Variants in ANKS1B observed in about 807,000 individuals in gnomAD.
ANKS1B encodes ankyrin repeat and sterile alpha motif domain-containing protein 1B.
ANKS1B carries 36 observed loss-of-function variants against 148.3 expected under a neutral mutation model. That is an observed-to-expected ratio of 0.24 (90% CI 0.19 to 0.32). The LOEUF is 0.32. Ranked by LOEUF, ANKS1B falls within the 10% of genes least tolerant of loss-of-function variation. The pLI is 1.00. For synonymous variants in ANKS1B, 542 were observed against 560.8 expected, an observed-to-expected ratio of 0.97 and a Z score of 0.47; for missense variants, 1,157 against 1,542.6, an observed-to-expected ratio of 0.75 and a Z score of 4.19.
Position 99,181,202 on chromosome 12 carries a change from TG to T in ANKS1B, c.2420-26808del, listed in dbSNP as rs754247940. ...GTCAATCCATGTTCTGTTATAGGGATGTTAACCATGATCCTTGCGATAAGTT... is the reference window on the plus strand; with the variant it reads ...GTCAATCCATGTTCTGTTATAGGGATTTAACCATGATCCTTGCGATAAGTT... On this transcript the variant is annotated intron_variant, in intron 14 of 26. Coordinates refer to ENST00000683438, the MANE Select transcript of ANKS1B (RefSeq NM_001352186.2). 3.3e-5 allele frequency among the ~76,000 whole-genome samples: 5 copies of T among 152,212 alleles called. No individual in the cohort carries two copies. In the East Asian group the frequency reaches 7.7e-4, roughly 23 times the overall value.
At chr12:99,010,715 C>A (rs1485436199) in intron 17 of ANKS1B, among the ~76,000 whole-genome samples, 3 of 150,978 alleles carry the variant, frequency 2.0e-5, no homozygotes, top group Non-Finnish European at 2.9e-5. Flanking sequence ...ATGGTACAGG[C>A]AGATTAAGAA....
At chr12:98,942,058 T>C (rs113136248) in intron 17 of ANKS1B, among the ~76,000 whole-genome samples, 5,908 of 152,112 alleles carry the variant, frequency 0.039, 134 homozygotes, top group African/African-American at 0.06. Flanking sequence ...CTGGCCAACA[T>C]GGTGAAACCT....
At chr12:99,194,306 T>G (rs2081127317) in intron 14 of ANKS1B, among the ~76,000 whole-genome samples, 1 of 152,168 alleles carries the variant, frequency 6.6e-6, no homozygotes, top group Non-Finnish European at 1.5e-5. Context: ...AATAAAAGTA[T>G]GTTATACTCA....
chr12:99,264,006 T>C (rs1166828409), intron 12 of ANKS1B, among the ~76,000 whole-genome samples: 1 of 152,170 alleles, frequency 6.6e-6, no homozygotes, highest in East Asian at 1.9e-4. Context: ...TCAAATCCAT[T>C]GCCCTAAAAA....
At chr12:99,833,327 C>T (rs1383634952) in intron 1 of ANKS1B, among the ~76,000 whole-genome samples, 2 of 152,124 alleles carry the variant, frequency 1.3e-5, no homozygotes, top group Non-Finnish European at 2.9e-5. Context: ...AGAATAAGAG[C>T]TCTTGTAACA....
intron 21 of ANKS1B, among the ~76,000 whole-genome samples, chr12:98,800,614 G>A (rs544495859): frequency 6.7e-6 from 1 of 148,542 alleles, no homozygotes; most frequent in Admixed American, 6.7e-5. Flanking sequence ...AAAAGAATCT[G>A]GTATTTACAT....
chr12:99,391,351 G>A (rs755165007), intron 12 of ANKS1B, among the ~76,000 whole-genome samples: 7 of 152,154 alleles, frequency 4.6e-5, no homozygotes, highest in Non-Finnish European at 8.8e-5. Flanking sequence ...GCTTTTACTC[G>A]CTTTGCAGCT....
chr12:99,717,335 G>A (rs904420385), intron 8 of ANKS1B, among the ~76,000 whole-genome samples: 5 of 152,172 alleles, frequency 3.3e-5, no homozygotes, highest in African/African-American at 4.8e-5. Flanking sequence ...ATATTTCTGA[G>A]TTACAATTCC....
intron 17 of ANKS1B, among the ~76,000 whole-genome samples, chr12:98,933,460 A>G (rs550828917): frequency 6.6e-6 from 1 of 152,244 alleles, no homozygotes; most frequent in African/African-American, 2.4e-5. Context: ...TGTGAATATA[A>G]GAGTGCTAAT....
intron 13 of ANKS1B, among the ~76,000 whole-genome samples, chr12:99,244,815 A>T (rs2089987800): frequency 1.3e-5 from 2 of 152,146 alleles, no homozygotes; most frequent in Admixed American, 1.3e-4. Context: ...CTGGTAAAGG[A>T]GCAGGTTTCA....
intron 9 of ANKS1B, among the ~76,000 whole-genome samples, chr12:99,653,033 T>G (rs1478994658): frequency 2.0e-5 from 3 of 152,072 alleles, no homozygotes; most frequent in Non-Finnish European, 4.4e-5. Flanking sequence ...AGCTGCAGAC[T>G]GGGAAAGATT....
chr12:99,306,720 C>T (rs1053225115), intron 12 of ANKS1B, among the ~76,000 whole-genome samples: 4 of 152,108 alleles, frequency 2.6e-5, no homozygotes, highest in Non-Finnish European at 5.9e-5. Context: ...ATTTTATGAG[C>T]ACTTTGTTAA....
intron 1 of ANKS1B, among the ~76,000 whole-genome samples, chr12:99,903,016 T>C (rs887018488): frequency 6.6e-6 from 1 of 152,116 alleles, no homozygotes; most frequent in Non-Finnish European, 1.5e-5. Context: ...TCCACCCTCC[T>C]CGGCCTCCCA....
At chr12:99,414,550 A>G (rs1344034577) in intron 11 of ANKS1B, among the ~76,000 whole-genome samples, 1 of 152,198 alleles carries the variant, frequency 6.6e-6, no homozygotes, top group Non-Finnish European at 1.5e-5. Flanking sequence ...ATGAAGCTGG[A>G]AACCATCATT....
chr12:99,476,424 T>C (rs2096322927), intron 10 of ANKS1B, among the ~76,000 whole-genome samples: 2 of 151,978 alleles, frequency 1.3e-5, no homozygotes, highest in Admixed American at 1.3e-4. Flanking sequence ...ATTGAAAAGA[T>C]ATCACAATTA....
intron 10 of ANKS1B, among the ~76,000 whole-genome samples, chr12:99,466,939 T>C (rs2096128506): frequency 6.6e-6 from 1 of 152,198 alleles, no homozygotes. Context: ...ACTCATTTTA[T>C]GAGGCCAGAA....
In ANKS1B at chr12:99,407,735, G is replaced by T. The variant is rs1427560027; in HGVS notation, c.1576-7924C>A. Among the ~76,000 whole-genome samples the T allele has an allele frequency of 1.2e-4, 18 of 145,584 alleles. 4 individuals carry two copies. Among genetic ancestry groups the T allele is most frequent in the African/African-American group, 4.7e-4 (18 of 38,404 alleles). On this transcript the variant is annotated intron_variant, in intron 11 of 26. Transcript: ENST00000683438. ...GAATAATCAGAAAAAATAGAACAAA[G>T]AAGTCTCATTTACAATAGCTACAAA...
chr12:99,276,527 G>A (rs2077693185), intron 12 of ANKS1B, among the ~76,000 whole-genome samples: 2 of 152,142 alleles, frequency 1.3e-5, no homozygotes, highest in Admixed American at 6.5e-5. Context: ...AAGCAAGAGG[G>A]TGAGCATCTC....
chr12:99,562,481 T>A (rs2097346728), intron 9 of ANKS1B, among the ~76,000 whole-genome samples: 1 of 152,218 alleles, frequency 6.6e-6, no homozygotes, highest in African/African-American at 2.4e-5. Flanking sequence ...GTTGTTAATG[T>A]GGCCACGTTA....
Sources: allele counts gnomAD v4.1 joint callset (sites outside exome capture counted in the v4.1 genomes callset), GRCh38; gene constraint gnomAD v4.1.1; transcripts MANE v1.5; gene names NCBI Gene and HGNC (gene_info 2026-07-23, HGNC 2026-07-21).